The following TMEM108 variants were observed in gnomAD, a reference collection of about 807,000 sequenced individuals.
TMEM108 encodes transmembrane protein 108, also known as cancer/testis antigen 124.
Under a neutral mutation model 35.1 loss-of-function variants are expected in TMEM108, and 12 were observed. The observed-to-expected ratio is 0.34, with a 90% CI of 0.22 to 0.55. TMEM108 has a LOEUF of 0.55. TMEM108 is among the 20% of genes least tolerant of loss of function. TMEM108 has a pLI of 0.89. For synonymous variants in TMEM108, 287 were observed against 308.6 expected, an observed-to-expected ratio of 0.93 and a Z score of 0.73; for missense variants, 680 against 753.3, an observed-to-expected ratio of 0.90 and a Z score of 1.14.
chr3:133,279,341 G>A (rs1451214640), intron 3 of TMEM108, among the ~76,000 whole-genome samples: 2 of 152,172 alleles, frequency 1.3e-5, no homozygotes, highest in South Asian at 4.1e-4. Context: ...TCTATCATGA[G>A]ACCATCCTAG....
At chr3:133,336,101 G>C (rs1576464238) in intron 3 of TMEM108, among the ~76,000 whole-genome samples, 1 of 152,046 alleles carries the variant, frequency 6.6e-6, no homozygotes, top group African/African-American at 2.4e-5. Flanking sequence ...AAGGCCTTTG[G>C]GCCCTAAATA....
chr3:133,201,460 C>T (rs568048321), intron 2 of TMEM108, among the ~76,000 whole-genome samples: 1 of 151,848 alleles, frequency 6.6e-6, no homozygotes, highest in South Asian at 2.1e-4. Flanking sequence ...CCCCCACCAC[C>T]TCCTGACAGG....
intron 1 of TMEM108, among the ~76,000 whole-genome samples, chr3:133,043,163 C>T (rs1346236853): frequency 6.6e-6 from 1 of 152,242 alleles, no homozygotes; most frequent in Non-Finnish European, 1.5e-5. Flanking sequence ...GGTCCATGGA[C>T]TCCCCAACAT....
At chr3:133,378,916 G>A (rs186991951) in intron 3 of TMEM108, among the ~76,000 whole-genome samples, 3 of 151,164 alleles carry the variant, frequency 2.0e-5, no homozygotes, top group African/African-American at 7.3e-5. Flanking sequence ...AGGAAAAGCA[G>A]TTAATAACAA....
At chr3:133,256,078 C>T (rs1349250730) in intron 3 of TMEM108, among the ~76,000 whole-genome samples, 1 of 152,116 alleles carries the variant, frequency 6.6e-6, no homozygotes, top group Non-Finnish European at 1.5e-5. Flanking sequence ...ATCCTAAAAG[C>T]AGCCAGAGGA....
At chr3:133,131,424 CTG>C (rs1944489168) in intron 2 of TMEM108, among the ~76,000 whole-genome samples, 3 of 150,420 alleles carry the variant, frequency 2.0e-5, no homozygotes, top group Non-Finnish European at 2.9e-5. Flanking sequence ...ATTCATGTCT[CTG>C]TGTCACATTT....
intron 3 of TMEM108, among the ~76,000 whole-genome samples, chr3:133,304,452 T>TACA (rs55806949): frequency 0.34 from 51,565 of 151,652 alleles, 9,052 homozygotes; most frequent in East Asian, 0.47. Context: ...AGTCCAGTCA[T>TACA]ACATTTCTGT....
intron 2 of TMEM108, among the ~76,000 whole-genome samples, chr3:133,147,257 T>TAGTTGTG (rs1944734716): frequency 6.6e-6 from 1 of 152,230 alleles, no homozygotes; most frequent in Non-Finnish European, 1.5e-5. Context: ...AGTTTCCATG[T>TAGTTGTG]AGTTGTGTGG....
chr3:133,044,643 G>A (rs1165450299), intron 1 of TMEM108, among the ~76,000 whole-genome samples: 1 of 152,174 alleles, frequency 6.6e-6, no homozygotes, highest in Non-Finnish European at 1.5e-5. Context: ...AAGATGCCTT[G>A]AGGATGCACA....
intron 3 of TMEM108, among the ~76,000 whole-genome samples, chr3:133,340,890 G>A (rs1393817581): frequency 1.3e-5 from 2 of 151,596 alleles, no homozygotes; most frequent in African/African-American, 4.8e-5. Flanking sequence ...CCTCAAAAAA[G>A]TGGGTATAGA....
chr3:133,133,082 C>T (rs1944512205), intron 2 of TMEM108, among the ~76,000 whole-genome samples: 1 of 152,172 alleles, frequency 6.6e-6, no homozygotes, highest in Non-Finnish European at 1.5e-5. Flanking sequence ...AGATGGAGTC[C>T]ACCCTGGTGA....
chr3:133,072,629 G>T (rs927922812), intron 2 of TMEM108, among the ~76,000 whole-genome samples: 1 of 151,944 alleles, frequency 6.6e-6, no homozygotes, highest in Non-Finnish European at 1.5e-5. Flanking sequence ...TTTAAAGCAG[G>T]CCTTCTTTTT....
At chr3:133,314,256 A>G (rs999628196) in intron 3 of TMEM108, among the ~76,000 whole-genome samples, 1 of 152,236 alleles carries the variant, frequency 6.6e-6, no homozygotes, top group Non-Finnish European at 1.5e-5. Flanking sequence ...GAAAATAAAA[A>G]GGATGATGAC....
intron 2 of TMEM108, among the ~76,000 whole-genome samples, chr3:133,206,337 C>T (rs1945753269): frequency 6.6e-6 from 1 of 152,184 alleles, no homozygotes; most frequent in South Asian, 2.1e-4. Context: ...AGTTTTGTTC[C>T]CTTGCTGGCG....
intron 5 of TMEM108, among the ~76,000 whole-genome samples, chr3:133,391,717 C>G (rs1285189858): frequency 6.6e-6 from 1 of 152,176 alleles, no homozygotes; most frequent in Admixed American, 6.5e-5. Context: ...CTCCCCAGCA[C>G]CCCCTTCACT....
At chr3:133,065,796 G>A (rs538006773) in intron 2 of TMEM108, among the ~76,000 whole-genome samples, 1 of 152,226 alleles carries the variant, frequency 6.6e-6, no homozygotes, top group South Asian at 2.1e-4. Flanking sequence ...ACATAGTTCA[G>A]CCATTTTCAA....
chr3:133,322,397 T>A (rs1359697376), intron 3 of TMEM108, among the ~76,000 whole-genome samples: 2 of 152,058 alleles, frequency 1.3e-5, no homozygotes, highest in African/African-American at 4.8e-5. Context: ...ATGAACACCT[T>A]TACATGCACA....
intron 3 of TMEM108, among the ~76,000 whole-genome samples, chr3:133,327,205 T>A (rs1292128642): frequency 6.6e-6 from 1 of 152,164 alleles, no homozygotes; most frequent in Non-Finnish European, 1.5e-5. Flanking sequence ...TAAAGAATGA[T>A]TGAGACTAGT....
At chr3:133,177,327 C>A (rs1254432559) in intron 2 of TMEM108, among the ~76,000 whole-genome samples, 1 of 152,154 alleles carries the variant, frequency 6.6e-6, no homozygotes, top group African/African-American at 2.4e-5. Flanking sequence ...AGGCCAGCAT[C>A]ATCCTGATAC....
Sources: allele counts gnomAD v4.1 joint callset (sites outside exome capture counted in the v4.1 genomes callset), GRCh38; gene constraint gnomAD v4.1.1; transcripts MANE v1.5; gene names NCBI Gene and HGNC (gene_info 2026-07-23, HGNC 2026-07-21).